Variants in DCLK1 observed in about 807,000 individuals in gnomAD.
The protein encoded by DCLK1 is serine/threonine-protein kinase DCLK1.
DCLK1 carries 16 observed loss-of-function variants against 86.2 expected under a neutral mutation model. That is an observed-to-expected ratio of 0.19 (90% confidence interval 0.13 to 0.28). DCLK1 has a LOEUF of 0.28. DCLK1 is among the 10% of genes least tolerant of loss of function. The probability of loss-of-function intolerance (pLI) is 1.00; values close to 1 mark genes in which losing one functional copy is unlikely to be tolerated. For synonymous variants in DCLK1, 369 were observed against 370.5 expected, an observed-to-expected ratio of 1.00 and a Z score of 0.05; for missense variants, 590 against 940.2, an observed-to-expected ratio of 0.63 and a Z score of 4.87.
chr13:36,042,316 A>T (rs1882727963), intron 3 of DCLK1, among the ~76,000 whole-genome samples: 1 of 152,110 alleles, frequency 6.6e-6, no homozygotes, highest in South Asian at 2.1e-4. Flanking sequence ...CTACTTTCTC[A>T]TTTCCTTTTT....
intron 3 of DCLK1, among the ~76,000 whole-genome samples, chr13:36,033,557 A>C (rs1375749707): frequency 1.3e-5 from 2 of 152,114 alleles, no homozygotes; most frequent in East Asian, 3.9e-4. Context: ...AATAATACTT[A>C]CCATATGGGA....
chr13:36,030,012 C>T (rs1211486157), intron 3 of DCLK1, among the ~76,000 whole-genome samples: 1 of 152,068 alleles, frequency 6.6e-6, no homozygotes, highest in African/African-American at 2.4e-5. Context: ...ACAGCATGGA[C>T]CTAAGCCACT....
At chr13:35,881,794 G>A (rs1475636081) in intron 4 of DCLK1, among the ~76,000 whole-genome samples, 1 of 152,166 alleles carries the variant, frequency 6.6e-6, no homozygotes, top group Non-Finnish European at 1.5e-5. Context: ...GCTAACTTCA[G>A]TTGAGGGGCA....
rs147789386 is a variant in DCLK1, at chr13:36,050,049, C to A, written c.723+61820G>T. On this transcript the variant is annotated intron_variant, in intron 3 of 16. Coordinates refer to ENST00000360631, the MANE Select transcript of DCLK1 (RefSeq NM_001330071.2). ...TGTTTAACAACTGGCTCAGAAAATTCTGGAAATTTTAACAGTCAGCTCAAG... is the reference window on the plus strand; with the variant it reads ...TGTTTAACAACTGGCTCAGAAAATTATGGAAATTTTAACAGTCAGCTCAAG... Among the ~76,000 whole-genome samples the A allele has an allele frequency of 1.2e-3, 177 of 152,270 alleles. 1 individual carries two copies. Among genetic ancestry groups the A allele is most frequent in the African/African-American group, 4.1e-3 (170 of 41,562 alleles).
At chr13:35,840,241 T>C (rs1869695581) in intron 6 of DCLK1, among the ~76,000 whole-genome samples, 1 of 152,212 alleles carries the variant, frequency 6.6e-6, no homozygotes, top group Admixed American at 6.5e-5. Flanking sequence ...CATTCAGCCT[T>C]AAAGTATGTA....
chr13:35,911,055 G>A (rs960550460), intron 4 of DCLK1, among the ~76,000 whole-genome samples: 1 of 151,268 alleles, frequency 6.6e-6, no homozygotes, highest in Non-Finnish European at 1.5e-5. Flanking sequence ...AGGCAGAGGT[G>A]GGCGGATCAC....
intron 3 of DCLK1, among the ~76,000 whole-genome samples, chr13:35,960,530 G>A (rs76050116): frequency 0.042 from 6,358 of 152,252 alleles, 199 homozygotes; most frequent in African/African-American, 0.082. Context: ...CTGTTGCCCA[G>A]GCTGGACTGC....
intron 3 of DCLK1, among the ~76,000 whole-genome samples, chr13:35,999,213 C>T (rs529570422): frequency 6.6e-6 from 1 of 151,902 alleles, no homozygotes; most frequent in African/African-American, 2.4e-5. Context: ...CGAGATCATG[C>T]CACTGCACTC....
At chr13:36,101,320 G>A (rs180722850) in intron 3 of DCLK1, among the ~76,000 whole-genome samples, 1 of 152,290 alleles carries the variant, frequency 6.6e-6, no homozygotes, top group East Asian at 1.9e-4. Context: ...ACGTGAGGCA[G>A]CCCACTGAGG....
At position 35,793,491 on chromosome 13, in the gene DCLK1, GA is replaced by G; in HGVS notation, c.1945-13del. On this transcript the variant is annotated splice_polypyrimidine_tract_variant and intron_variant, in intron 15 of 16. Coordinates refer to ENST00000360631, the MANE Select transcript of DCLK1 (RefSeq NM_001330071.2). ...GGGAGGCCATCATCCTGGAGAAAAA[GA>G]AATAAAGAGAAGAGAAAAAGAAAGA... 6.4e-7 allele frequency: 1 copy of G among 1,566,182 alleles called. No individual in the cohort carries two copies. The highest frequency in any genetic ancestry group is 1.4e-5 in the African/African-American group (1 of 72,648).
intron 3 of DCLK1, among the ~76,000 whole-genome samples, chr13:36,070,152 T>C (rs1277683578): frequency 2.0e-5 from 3 of 152,068 alleles, no homozygotes; most frequent in African/African-American, 4.8e-5. Context: ...AAAAATATGG[T>C]TTTTTAAATC....
chr13:36,048,013 T>C (rs1180353219), intron 3 of DCLK1, among the ~76,000 whole-genome samples: 2 of 152,128 alleles, frequency 1.3e-5, no homozygotes, highest in Non-Finnish European at 2.9e-5. Context: ...AGAGTAAACT[T>C]TAAGTGTTCT....
chr13:36,038,612 C>T (rs918224571), intron 3 of DCLK1, among the ~76,000 whole-genome samples: 12 of 152,142 alleles, frequency 7.9e-5, no homozygotes, highest in African/African-American at 2.7e-4. Flanking sequence ...CTTTTAGAAG[C>T]AACATATTTG....
intron 2 of DCLK1, 129 bp downstream of exon 2, chr13:36,125,633 G>T (rs1821028847): frequency 1.5e-6 from 2 of 1,350,528 alleles, no homozygotes; most frequent in Non-Finnish European, 9.9e-7. Flanking sequence ...TCGTATGTCT[G>T]AAACTATAAG....
intron 3 of DCLK1, among the ~76,000 whole-genome samples, chr13:36,000,176 C>CT (rs1880649640): frequency 6.6e-6 from 1 of 152,168 alleles, no homozygotes; most frequent in Admixed American, 6.5e-5. Flanking sequence ...CCCACACAAT[C>CT]TAAGAGGCTT....
At chr13:35,956,970 T>A (rs1878021947) in intron 3 of DCLK1, among the ~76,000 whole-genome samples, 1 of 152,152 alleles carries the variant, frequency 6.6e-6, no homozygotes, top group Non-Finnish European at 1.5e-5. Context: ...TAACTATACC[T>A]TCAAAAAAGA....
chr13:35,828,743 T>C (rs1228206662), intron 8 of DCLK1, among the ~76,000 whole-genome samples: 4 of 152,130 alleles, frequency 2.6e-5, no homozygotes, highest in Non-Finnish European at 4.4e-5. Flanking sequence ...TTCCCTCCCC[T>C]TCCCTCCGAA....
chr13:35,836,315 A>G (rs1869377219), intron 7 of DCLK1, among the ~76,000 whole-genome samples, 174 bp from the exon 8 acceptor site: 1 of 152,188 alleles, frequency 6.6e-6, no homozygotes, highest in Non-Finnish European at 1.5e-5. Flanking sequence ...TATACTCAAC[A>G]GTTTTTACTA....
intron 8 of DCLK1, among the ~76,000 whole-genome samples, chr13:35,828,858 T>C (rs1462896144): frequency 6.6e-6 from 1 of 152,160 alleles, no homozygotes; most frequent in Non-Finnish European, 1.5e-5. Flanking sequence ...GACAGTTTTC[T>C]GAATGTTCAT....
Sources: allele counts gnomAD v4.1 joint callset (sites outside exome capture counted in the v4.1 genomes callset), GRCh38; gene constraint gnomAD v4.1.1; transcripts MANE v1.5; gene names NCBI Gene and HGNC (gene_info 2026-07-23, HGNC 2026-07-21).